Variants in PCDHA13 observed in about 807,000 individuals in gnomAD.
PCDHA13 encodes protocadherin alpha-13.
In PCDHA13, 54 loss-of-function variants were observed where a neutral mutation model predicts 64.8. The ratio of observed to expected loss-of-function variants is 0.83; its 90% CI spans 0.67 to 1.04. The LOEUF (loss-of-function observed/expected upper bound fraction) is 1.04, where lower values mean the gene tolerates loss of function less well. PCDHA13 is among the 50% of genes least tolerant of loss of function. PCDHA13 has a pLI of 0.00. For missense variants in PCDHA13, 1,248 were observed against 1,254.3 expected (o/e 0.99, Z 0.08); for synonymous variants, 587 against 564.4 (o/e 1.04, Z -0.57).
Position 141,011,614 on chromosome 5 carries a change from T to C in PCDHA13, c.*1677T>C, listed in dbSNP as rs1268321894. On this transcript the variant is annotated 3_prime_UTR_variant, in exon 4 of 4. Transcript: ENST00000289272. ...GTGATTCAAGGAATTTTATTTATGG[T>C]CCAGCCAAGAGCCATCTCGTGCCAA... 5 of 153,774 alleles carry C rather than the reference T, an allele frequency of 3.3e-5. No individual in the cohort carries two copies. Among genetic ancestry groups the C allele is most frequent in the African/African-American group, 1.2e-4 (5 of 41,460 alleles). 9.5% of individuals were successfully genotyped at this position (153,774 alleles called of 1,614,324 possible). A position where few individuals can be genotyped will look rare whatever the true frequency, so the allele number is the denominator to read the frequency against.
At chr5:140,938,055 T>C (rs1475337267) in intron 1 of PCDHA13, among the ~76,000 whole-genome samples, 1 of 152,232 alleles carries the variant, frequency 6.6e-6, no homozygotes, top group African/African-American at 2.4e-5. Flanking sequence ...TTTCTACATA[T>C]ACTGTCATGC....
At chr5:141,008,686 A>G (rs1419778370) in intron 3 of PCDHA13, among the ~76,000 whole-genome samples, 1 of 152,174 alleles carries the variant, frequency 6.6e-6, no homozygotes, top group Non-Finnish European at 1.5e-5. Flanking sequence ...TAGTTATTGC[A>G]TGTATTAAGT....
intron 2 of PCDHA13, among the ~76,000 whole-genome samples, chr5:140,979,418 T>A (rs895579689): frequency 3.3e-5 from 5 of 152,178 alleles, no homozygotes; most frequent in South Asian, 2.1e-4. Flanking sequence ...GTTTTTTTTT[T>A]AATCTCACAT....
At chr5:140,928,809 GGACCATGGA>G (rs1563109708) in intron 1 of PCDHA13, 1 of 1,614,078 alleles carries the variant, frequency 6.2e-7, no homozygotes, top group Non-Finnish European at 8.5e-7. Flanking sequence ...TAGTGGTTCG[GGACCATGGA>G]GACCCACCAC....
chr5:140,971,067 G>A (rs1270982335), intron 1 of PCDHA13, among the ~76,000 whole-genome samples: 1 of 152,204 alleles, frequency 6.6e-6, no homozygotes, highest in Non-Finnish European at 1.5e-5. Flanking sequence ...TAAGGTTGCT[G>A]TAGACATTTG....
At chr5:140,923,826 T>A (rs2081533545) in intron 1 of PCDHA13, among the ~76,000 whole-genome samples, 1 of 152,218 alleles carries the variant, frequency 6.6e-6, no homozygotes, top group East Asian at 1.9e-4. Context: ...TAGACGTCAG[T>A]GGCAGTTTAA....
intron 3 of PCDHA13, among the ~76,000 whole-genome samples, chr5:141,000,251 G>C (rs2097898188): frequency 6.6e-6 from 1 of 151,264 alleles, no homozygotes; most frequent in Non-Finnish European, 1.5e-5. Context: ...GCTGACACCT[G>C]TGATCCTAGC....
chr5:140,915,665 G>A (rs1208319882), intron 1 of PCDHA13, among the ~76,000 whole-genome samples: 1 of 149,092 alleles, frequency 6.7e-6, no homozygotes, highest in African/African-American at 2.5e-5. Context: ...TCAAGGTGCT[G>A]GGCCATCTTG....
chr5:140,931,086 A>G (rs2087290662), intron 1 of PCDHA13, among the ~76,000 whole-genome samples: 1 of 152,204 alleles, frequency 6.6e-6, no homozygotes, highest in Non-Finnish European at 1.5e-5. Context: ...CCAGTTCTAC[A>G]GATGACAAAG....
At chr5:140,909,038 A>C (rs1396337089) in intron 1 of PCDHA13, among the ~76,000 whole-genome samples, 1 of 152,126 alleles carries the variant, frequency 6.6e-6, no homozygotes, top group African/African-American at 2.4e-5. Context: ...TTTATTTTCC[A>C]TACTCTGGCA....
intron 1 of PCDHA13, among the ~76,000 whole-genome samples, chr5:140,938,625 T>G (rs2092136082): frequency 6.6e-6 from 1 of 152,220 alleles, no homozygotes; most frequent in African/African-American, 2.4e-5. Flanking sequence ...AAACTCAGGT[T>G]GCTTATGATG....
intron 2 of PCDHA13, 118 bp downstream of exon 2, chr5:140,979,125 C>A (rs782380399): frequency 8.7e-5 from 128 of 1,479,726 alleles, no homozygotes; most frequent in Non-Finnish European, 1.0e-4. Flanking sequence ...GGTACTTTGC[C>A]AGGAAAATGC....
chr5:140,909,341 T>C (rs2074443719), intron 1 of PCDHA13, among the ~76,000 whole-genome samples: 1 of 152,222 alleles, frequency 6.6e-6, no homozygotes, highest in African/African-American at 2.4e-5. Context: ...GCATACCAGG[T>C]ACCAAGAGAT....
chr5:140,978,037 A>G (rs1260035731), intron 1 of PCDHA13, among the ~76,000 whole-genome samples: 12 of 152,322 alleles, frequency 7.9e-5, no homozygotes, highest in African/African-American at 2.4e-4. Flanking sequence ...GATACAAGAC[A>G]GTGATGGTGA....
chr5:140,896,536 CTT>C (rs34213614), intron 1 of PCDHA13, among the ~76,000 whole-genome samples: 1 of 145,640 alleles, frequency 6.9e-6, no homozygotes. Flanking sequence ...AGCTATTTTT[CTT>C]TTTTTTTTTT....
At chr5:140,934,430 G>A (rs1249557283) in intron 1 of PCDHA13, among the ~76,000 whole-genome samples, 1 of 152,108 alleles carries the variant, frequency 6.6e-6, no homozygotes, top group Non-Finnish European at 1.5e-5. Context: ...CAATGCAAGT[G>A]TAAATATAGT....
At position 140,966,347 on chromosome 5, in the gene PCDHA13, G is replaced by A. The variant is rs189506336; in HGVS notation, c.2395-12602G>A. 6.3e-5 allele frequency: 25 copies of A among 397,502 alleles called. No homozygotes were observed. The East Asian group carries it at 8.6e-4, about 14-fold the overall frequency. The allele number at this position is 397,502 out of a possible 1,614,324, so 24.6% of individuals were successfully genotyped here. A position where few individuals can be genotyped will look rare whatever the true frequency, so the allele number is the denominator to read the frequency against. On this transcript the variant is annotated intron_variant, in intron 1 of 3. Transcript: ENST00000289272. ...GGGATCCGGCAGGTCCAGGGTGAAG[G>A]AGATGGGGCTGGAGAGGCTGAGCAG... is the stretch of plus-strand genomic sequence containing the variant.
chr5:140,889,700 T>C (rs1554184005), intron 1 of PCDHA13, among the ~76,000 whole-genome samples: 1 of 152,200 alleles, frequency 6.6e-6, no homozygotes, highest in African/African-American at 2.4e-5. Context: ...TATGGGCATA[T>C]TCCACAAGTT....
chr5:141,002,261 C>A (rs373363788), intron 3 of PCDHA13, among the ~76,000 whole-genome samples: 1 of 152,224 alleles, frequency 6.6e-6, no homozygotes, highest in East Asian at 1.9e-4. Context: ...CACTGAAATC[C>A]CAGAGCTGGT....
Sources: allele counts gnomAD v4.1 joint callset (sites outside exome capture counted in the v4.1 genomes callset), GRCh38; gene constraint gnomAD v4.1.1; transcripts MANE v1.5; gene names NCBI Gene and HGNC (gene_info 2026-07-23, HGNC 2026-07-21).